The following PDE1C variants were observed in gnomAD, a reference collection of about 807,000 sequenced individuals.
The protein encoded by PDE1C is dual specificity calcium/calmodulin-dependent 3',5'-cyclic nucleotide phosphodiesterase 1C.
Under a neutral mutation model 93.1 loss-of-function variants are expected in PDE1C, and 62 were observed. That is an observed-to-expected ratio of 0.67 (90% confidence interval 0.54 to 0.82). PDE1C has a LOEUF of 0.82. Ranked by LOEUF, PDE1C falls within the 40% of genes least tolerant of loss-of-function variation. PDE1C has a pLI of 0.00. For synonymous variants in PDE1C, 325 were observed against 310.1 expected, an observed-to-expected ratio of 1.05 and a Z score of -0.50; for missense variants, 742 against 884.6, an observed-to-expected ratio of 0.84 and a Z score of 2.04.
At chr7:31,690,079 C>T in the PDE1C span, among the ~76,000 whole-genome samples, 4 of 152,312 alleles carry the variant, frequency 2.6e-5, no homozygotes, top group South Asian at 4.1e-4. Flanking sequence ...TTCAATTCAT[C>T]GGCCAGAGAC....
At chr7:31,933,598 C>T (rs1804622941) in intron 2 of PDE1C, among the ~76,000 whole-genome samples, 2 of 152,202 alleles carry the variant, frequency 1.3e-5, no homozygotes, top group Admixed American at 6.5e-5. Context: ...CCCTGCCCAG[C>T]TCTCATGTTG....
At chr7:32,391,776 A>G (rs1784755396) in intron 1 of PDE1C, among the ~76,000 whole-genome samples, 1 of 152,164 alleles carries the variant, frequency 6.6e-6, no homozygotes, top group Non-Finnish European at 1.5e-5. Context: ...AAGTAAGAAA[A>G]TATTTTGAGC....
chr7:32,144,095 T>G (rs1800687319), intron 3 of PDE1C, among the ~76,000 whole-genome samples: 1 of 151,668 alleles, frequency 6.6e-6, no homozygotes, highest in Admixed American at 6.6e-5. Context: ...TGATAAAGAG[T>G]CTAGTGTTTC....
intron 1 of PDE1C, among the ~76,000 whole-genome samples, chr7:32,372,058 T>TTG (rs1193308275): frequency 4.0e-5 from 6 of 149,524 alleles, no homozygotes; most frequent in Admixed American, 2.0e-4. Flanking sequence ...ATTGATTTTT[T>TTG]TTTTTTTTTT....
At chr7:31,869,318 GA>G (rs1795654202) in intron 6 of PDE1C, among the ~76,000 whole-genome samples, 1 of 151,920 alleles carries the variant, frequency 6.6e-6, no homozygotes, top group African/African-American at 2.4e-5. Flanking sequence ...TCAAAAAATA[GA>G]CTAGCTAAAT....
At chr7:31,871,274 C>G (rs923601597) in intron 6 of PDE1C, among the ~76,000 whole-genome samples, 2 of 151,812 alleles carry the variant, frequency 1.3e-5, no homozygotes, top group Admixed American at 6.6e-5. Context: ...TATAAAACTA[C>G]AAGAGAATAA....
At chr7:31,801,814 T>C (rs899423745) in intron 16 of PDE1C, among the ~76,000 whole-genome samples, 1 of 151,580 alleles carries the variant, frequency 6.6e-6, no homozygotes, top group East Asian at 2.0e-4. Flanking sequence ...TTCTTTTGAT[T>C]AGTGTTAAGA....
chr7:31,923,009 G>T (rs1297069455), intron 2 of PDE1C, among the ~76,000 whole-genome samples: 1 of 152,074 alleles, frequency 6.6e-6, no homozygotes, highest in Non-Finnish European at 1.5e-5. Context: ...ATCAAATTTG[G>T]AGTATGCATT....
At chr7:31,847,039 T>C (rs1200239157) in intron 9 of PDE1C, among the ~76,000 whole-genome samples, 2 of 152,154 alleles carry the variant, frequency 1.3e-5, no homozygotes, top group African/African-American at 2.4e-5. Flanking sequence ...ATGAGGACTA[T>C]TTGAGTCACA....
intron 1 of PDE1C, among the ~76,000 whole-genome samples, chr7:32,297,603 C>T (rs1420494742): frequency 2.0e-5 from 3 of 152,154 alleles, no homozygotes; most frequent in African/African-American, 7.2e-5. Context: ...AAGCACCCAC[C>T]TCTTCAAATG....
chr7:31,730,094 T>C, the PDE1C span, among the ~76,000 whole-genome samples: 1 of 152,200 alleles, frequency 6.6e-6, no homozygotes, highest in Non-Finnish European at 1.5e-5. Flanking sequence ...AGTGAGATCA[T>C]GCATTTAAAG....
chr7:31,754,264 G>A lies in PDE1C; in HGVS notation c.1961-711C>T, dbSNP rs554423167. Among the ~76,000 whole-genome samples the A allele has an allele frequency of 1.8e-4, 28 of 152,308 alleles. No individual in the cohort carries two copies. In the South Asian group the frequency reaches 5.2e-3, roughly 28 times the overall value. ...TTGCTGGCAAGGATGTAAAGTAATG[G>A]GAACTCCCATTCTTGCTGATTGGAA... On this transcript the variant is annotated intron_variant, in intron 17 of 17. Coordinates refer to ENST00000396191, the MANE Select transcript of PDE1C (RefSeq NM_001191057.4).
At chr7:32,008,539 T>A (rs751771854) in intron 2 of PDE1C, among the ~76,000 whole-genome samples, 1 of 152,182 alleles carries the variant, frequency 6.6e-6, no homozygotes, top group Non-Finnish European at 1.5e-5. Flanking sequence ...CACTATTTCA[T>A]AGGTCACCAA....
At chr7:32,089,861 T>C (rs1186082440) in intron 3 of PDE1C, among the ~76,000 whole-genome samples, 1 of 152,170 alleles carries the variant, frequency 6.6e-6, no homozygotes, top group African/African-American at 2.4e-5. Context: ...CACAATCCAT[T>C]TTCTTGTTTT....
chr7:31,672,763 G>A, the PDE1C span, among the ~76,000 whole-genome samples: 1 of 151,454 alleles, frequency 6.6e-6, no homozygotes, highest in Non-Finnish European at 1.5e-5. Flanking sequence ...AAACGGAATG[G>A]GAAAGCTTTA....
upstream of PDE1C, among the ~76,000 whole-genome samples, chr7:32,301,538 T>A (rs1378525561): frequency 6.6e-6 from 1 of 152,228 alleles, no homozygotes; most frequent in Non-Finnish European, 1.5e-5. Flanking sequence ...TCATTATCTC[T>A]CTCCCTGGTT....
At chr7:32,377,145 T>G (rs550157157) in intron 1 of PDE1C, among the ~76,000 whole-genome samples, 3 of 152,168 alleles carry the variant, frequency 2.0e-5, no homozygotes, top group South Asian at 4.2e-4. Flanking sequence ...AAAAAAAAAT[T>G]AGACAACGAC....
At chr7:31,835,516 G>A (rs1355427465) in intron 11 of PDE1C, among the ~76,000 whole-genome samples, 1 of 109,070 alleles carries the variant, frequency 9.2e-6, no homozygotes, top group Non-Finnish European at 1.9e-5. Flanking sequence ...AATAGCTGGG[G>A]GGTGCTGCGG....
At chr7:31,691,911 G>A in the PDE1C span, among the ~76,000 whole-genome samples, 10 of 151,382 alleles carry the variant, frequency 6.6e-5, no homozygotes, top group African/African-American at 2.4e-4. Context: ...TCTAATGGAA[G>A]TCAGCAGGAC....
Sources: gnomAD v4.1 joint callset for allele counts (sites outside exome capture counted in the v4.1 genomes callset) on GRCh38, gnomAD v4.1.1 for gene constraint, MANE v1.5 for transcripts, NCBI Gene and HGNC (gene_info 2026-07-23, HGNC 2026-07-21) for gene names.